HDAC4: variants seen among roughly 807,000 people sequenced by gnomAD.
HDAC4 encodes the protein histone deacetylase 4.
In HDAC4, 16 loss-of-function variants were observed where a neutral mutation model predicts 135.1. That is an observed-to-expected ratio of 0.12 (90% CI 0.08 to 0.18). The LOEUF (loss-of-function observed/expected upper bound fraction) is 0.18. HDAC4 is among the 10% of genes least tolerant of loss of function. HDAC4 has a pLI of 1.00. For synonymous variants in HDAC4, 685 were observed against 653.4 expected (o/e 1.05, Z -0.74); for missense variants, 1,143 against 1,511.8 (o/e 0.76, Z 4.05).
At chr2:239,366,143 G>A (rs1694198442) in intron 1 of HDAC4, among the ~76,000 whole-genome samples, 1 of 145,754 alleles carries the variant, frequency 6.9e-6, no homozygotes, top group African/African-American at 2.6e-5. Context: ...AAACACGCAT[G>A]CACAGAGCAG....
intron 1 of HDAC4, among the ~76,000 whole-genome samples, chr2:239,365,375 G>A (rs1031193740): frequency 6.6e-6 from 1 of 152,204 alleles, no homozygotes. Flanking sequence ...AATAAAATAG[G>A]AAGGATTTCA....
At chr2:239,062,626 C>T (rs2032924675) in intron 24 of HDAC4, among the ~76,000 whole-genome samples, 1 of 152,220 alleles carries the variant, frequency 6.6e-6, no homozygotes, top group Non-Finnish European at 1.5e-5. Flanking sequence ...AACCATAAGG[C>T]TTCGGGATGG....
chr2:239,096,370 A>ACCCC lies in HDAC4; in HGVS notation c.2234-1318_2234-1315dup, dbSNP rs557023386. Among the ~76,000 whole-genome samples, 255 of 80,556 alleles carry ACCCC rather than the reference A, an allele frequency of 3.2e-3. 1 individual carries two copies. Among genetic ancestry groups the ACCCC allele is most frequent in the South Asian group, 6.9e-3 (13 of 1,888 alleles). 52.8% of individuals were successfully genotyped at this position (80,556 alleles called of 152,430 possible). A position where few individuals can be genotyped will look rare whatever the true frequency, so the allele number is the denominator to read the frequency against. Reference sequence around the variant, plus strand: ...CACACCCCACCGACAGATGCCTGCAACCCCCCCCGACACCTGCAACCTCCC... The same window carrying ACCCC: ...CACACCCCACCGACAGATGCCTGCAACCCCCCCCCCCCGACACCTGCAACCTCCC... On this transcript the variant is annotated intron_variant, in intron 16 of 26. Transcript: ENST00000543185.
chr2:239,081,722 C>T (rs1286544529), intron 21 of HDAC4, among the ~76,000 whole-genome samples: 1 of 152,186 alleles, frequency 6.6e-6, no homozygotes, highest in Non-Finnish European at 1.5e-5. Context: ...CCTGGGGCCG[C>T]CATGCAGCCC....
intron 3 of HDAC4, among the ~76,000 whole-genome samples, chr2:239,214,090 G>A (rs757384559): frequency 2.6e-5 from 4 of 152,214 alleles, no homozygotes; most frequent in African/African-American, 7.2e-5. Flanking sequence ...TTGAAACAAC[G>A]TATGTTTATT....
At chr2:239,197,263 G>C (rs76118981) in intron 3 of HDAC4, among the ~76,000 whole-genome samples, 1 of 152,170 alleles carries the variant, frequency 6.6e-6, no homozygotes, top group East Asian at 1.9e-4. Flanking sequence ...TTCTGAAGGC[G>C]CAACTCTGTT....
chr2:239,229,728 T>A lies in HDAC4; in HGVS notation c.94+6865A>T, dbSNP rs779771844. The stretch of plus-strand genomic sequence containing the variant: ...ACTGAAAGGTTTTCTGACTGAAGAG[T>A]TGATGTCAGCATAAAAAAATGTTTG... On this transcript the variant is annotated intron_variant, in intron 3 of 26. Coordinates refer to ENST00000543185, the MANE Select transcript of HDAC4 (RefSeq NM_001378414.1). 2.0e-5 allele frequency among the ~76,000 whole-genome samples: 3 copies of A among 152,178 alleles called. No homozygotes were observed. The South Asian group carries it at 6.2e-4, about 32-fold the overall frequency.
intron 3 of HDAC4, among the ~76,000 whole-genome samples, chr2:239,206,587 T>C (rs2046063868): frequency 6.8e-6 from 1 of 146,696 alleles, no homozygotes; most frequent in Non-Finnish European, 1.5e-5. Flanking sequence ...TAAAATCAAG[T>C]AAAATTTAGA....
Position 239,257,128 on chromosome 2 carries a change from C to T in HDAC4, c.23-20464G>A, listed in dbSNP as rs78839101. On this transcript the variant is annotated intron_variant, in intron 2 of 26. Coordinates refer to ENST00000543185, the MANE Select transcript of HDAC4 (RefSeq NM_001378414.1). ...TAGTTATTAATTTCATTTCAAATTG[C>T]CTGATTTTCCATATATACTGCTAAT... is the stretch of plus-strand genomic sequence containing the variant. Among the ~76,000 whole-genome samples the T allele has an allele frequency of 9.3e-3, 1,410 of 152,124 alleles. 41 individuals are homozygous for T. Among genetic ancestry groups the T allele is most frequent in the Admixed American group, 0.052 (788 of 15,282 alleles).
chr2:239,302,934 C>G (rs2052353490), intron 2 of HDAC4, among the ~76,000 whole-genome samples: 2 of 152,226 alleles, frequency 1.3e-5, no homozygotes, highest in South Asian at 4.1e-4. Context: ...GGGGGCCACA[C>G]AGGCTCAGGC....
At position 239,307,587 on chromosome 2, in the gene HDAC4, A is replaced by AG. The variant is rs2052665534; in HGVS notation, c.22+45090dup. Among the ~76,000 whole-genome samples, 2 of 152,180 alleles carry AG rather than the reference A, an allele frequency of 1.3e-5. No individual in the cohort carries two copies. Among genetic ancestry groups the AG allele is most frequent in the African/African-American group, 2.4e-5 (1 of 41,450 alleles). On this transcript the variant is annotated intron_variant, in intron 2 of 26. Coordinates refer to ENST00000543185, the MANE Select transcript of HDAC4 (RefSeq NM_001378414.1). This position sits in a 1 kb window ranked among gnomAD's most constrained non-coding sequence, Gnocchi z 4.8. ...TGAGTGTCTGCTTCCTGGACCTCGCAGACTCACCAGGGACCCTAAACTTGG... is the reference window on the plus strand; with the variant it reads ...TGAGTGTCTGCTTCCTGGACCTCGCAGGACTCACCAGGGACCCTAAACTTGG...
At chr2:239,147,479 G>A (rs961293401) in intron 7 of HDAC4, among the ~76,000 whole-genome samples, 13 of 152,294 alleles carry the variant, frequency 8.5e-5, no homozygotes, top group African/African-American at 3.1e-4. Flanking sequence ...GCCGGCACCT[G>A]GTGACTGTGA....
At chr2:239,253,891 C>CGTG (rs2125003732) in intron 2 of HDAC4, among the ~76,000 whole-genome samples, 1 of 152,214 alleles carries the variant, frequency 6.6e-6, no homozygotes, top group Admixed American at 6.5e-5. Context: ...TGGCCATGAG[C>CGTG]GTGGCTTGGA....
intron 3 of HDAC4, among the ~76,000 whole-genome samples, chr2:239,236,218 C>T (rs777106880): frequency 4.9e-4 from 74 of 152,216 alleles, no homozygotes; most frequent in Admixed American, 3.7e-3. Context: ...TCCACGGTCA[C>T]GTGGCCAGTG....
At position 239,101,837 on chromosome 2, in the gene HDAC4, C is replaced by T. The variant is rs149487961; in HGVS notation, c.2233+939G>A. ...GTCTGGGTTCTGTGTCCTGGGAGCC[C>T]CCGGCCCCGGGTCCGGGTTCTGTGC... On this transcript the variant is annotated intron_variant, in intron 16 of 26. Coordinates refer to ENST00000543185, the MANE Select transcript of HDAC4 (RefSeq NM_001378414.1). Among the ~76,000 whole-genome samples, 315 of 151,860 alleles carry T rather than the reference C, an allele frequency of 2.1e-3. 3 individuals carry two copies. The highest frequency in any genetic ancestry group is 7.0e-3 in the African/African-American group (289 of 41,458).
intron 2 of HDAC4, among the ~76,000 whole-genome samples, chr2:239,342,915 C>G (rs900811420): frequency 6.6e-6 from 1 of 152,218 alleles, no homozygotes; most frequent in African/African-American, 2.4e-5. Flanking sequence ...GGGCTTCGGT[C>G]TCCAAATCAG....
At chr2:239,184,001 C>G (rs2044322328) in intron 4 of HDAC4, among the ~76,000 whole-genome samples, 1 of 143,362 alleles carries the variant, frequency 7.0e-6, no homozygotes, top group African/African-American at 2.6e-5. Context: ...CTGTGCTCTC[C>G]ATAGCACAAG....
In HDAC4 at chr2:239,082,309, T is replaced by C. The variant is rs981592581; in HGVS notation, c.2533-88A>G. On this transcript the variant is annotated intron_variant, in intron 20 of 26. Transcript: ENST00000543185. ...GGGCCGTCCCCAACCCCAGTTGTGC[T>C]TAGTGACAACGGCTCCTGCTCAGGA... 10 of 1,542,516 alleles carry C rather than the reference T, an allele frequency of 6.5e-6. No individual in the cohort carries two copies. In the African/African-American group the frequency reaches 9.5e-5, roughly 15 times the overall value.
At chr2:239,140,747 G>A (rs1280167798) in intron 8 of HDAC4, 1 of 295,448 alleles carries the variant, frequency 3.4e-6, no homozygotes, top group African/African-American at 2.3e-5. Flanking sequence ...CTGGAGGGGA[G>A]GTTAAGGGAT....
Sources: gnomAD v4.1 joint callset for allele counts (sites outside exome capture counted in the v4.1 genomes callset) on GRCh38, gnomAD v4.1.1 for gene constraint, Gnocchi (gnomAD v3.1) non-coding constraint, MANE v1.5 for transcripts, NCBI Gene and HGNC (gene_info 2026-07-23, HGNC 2026-07-21) for gene names.